Variants in DRC11 observed in about 807,000 individuals in gnomAD.
The protein encoded by DRC11 is IQ and AAA domain-containing protein 1.
chr2:236,376,416 A>G, the DRC11 span, among the ~76,000 whole-genome samples: 1 of 152,232 alleles, frequency 6.6e-6, no homozygotes, highest in Non-Finnish European at 1.5e-5. This position sits in a 1 kb window ranked among gnomAD's most constrained non-coding sequence, Gnocchi z 5.7. Flanking sequence ...GGAAAGCTGA[A>G]GGTTCACTGT....
the DRC11 span, among the ~76,000 whole-genome samples, chr2:236,416,708 C>CATATATATATATTTTTATATATATATAT: frequency 1.2e-4 from 9 of 74,566 alleles, no homozygotes; most frequent in Non-Finnish European, 1.9e-4. Flanking sequence ...TATTTATTTA[C>CATATATATATATTTTTATATATATATAT]ATATATATAT....
chr2:236,394,890 A>G, the DRC11 span, among the ~76,000 whole-genome samples: 65,733 of 152,090 alleles, frequency 0.43, 14,588 homozygotes, highest in African/African-American at 0.46. This position sits in a 1 kb window ranked among gnomAD's most constrained non-coding sequence, Gnocchi z 7.0. Context: ...GCTGAGCACC[A>G]TCTCTGCCAC....
the DRC11 span, among the ~76,000 whole-genome samples, chr2:236,341,881 G>A: frequency 2.3e-3 from 357 of 152,328 alleles, 2 homozygotes; most frequent in African/African-American, 8.1e-3. Context: ...TTCCTCTCAG[G>A]GTTGCCGGGA....
At chr2:236,391,645 T>C in the DRC11 span, among the ~76,000 whole-genome samples, 2 of 152,198 alleles carry the variant, frequency 1.3e-5, no homozygotes, top group African/African-American at 4.8e-5. This position sits in a 1 kb window ranked among gnomAD's most constrained non-coding sequence, Gnocchi z 4.5. Flanking sequence ...TATAGATCTA[T>C]GTACAGGAAC....
the DRC11 span, chr2:236,497,364 G>A: frequency 2.5e-6 from 4 of 1,613,790 alleles, no homozygotes; most frequent in African/African-American, 5.3e-5. The surrounding 1 kb of genome is among the most constrained non-coding windows in gnomAD (Gnocchi z 5.1). Flanking sequence ...ACTTTACGTA[G>A]AAGGTGGCTA....
chr2:236,407,925 C>A, the DRC11 span: 1 of 503,108 alleles, frequency 2.0e-6, no homozygotes, highest in Non-Finnish European at 3.9e-6. Context: ...TCTTCTCTTC[C>A]ATGGTCTGGG....
At chr2:236,324,503 T>C in the DRC11 span, 1 of 512,374 alleles carries the variant, frequency 2.0e-6, no homozygotes, top group East Asian at 3.4e-5. This position sits in a 1 kb window ranked among gnomAD's most constrained non-coding sequence, Gnocchi z 5.7. Flanking sequence ...GCACATGCAG[T>C]GGTTAGCGGG....
chr2:236,469,863 C>T, the DRC11 span, among the ~76,000 whole-genome samples: 1,477 of 152,148 alleles, frequency 9.7e-3, 31 homozygotes, highest in African/African-American at 0.033. This position sits in a 1 kb window ranked among gnomAD's most constrained non-coding sequence, Gnocchi z 5.8. Context: ...ATAGAGAACA[C>T]GATAGTATGC....
chr2:236,396,551 G>C, the DRC11 span, among the ~76,000 whole-genome samples: 1 of 152,142 alleles, frequency 6.6e-6, no homozygotes, highest in Non-Finnish European at 1.5e-5. Flanking sequence ...GGCGTGGACA[G>C]TTTTCAGAGC....
At chr2:236,443,942 T>C in the DRC11 span, among the ~76,000 whole-genome samples, 1 of 152,166 alleles carries the variant, frequency 6.6e-6, no homozygotes, top group African/African-American at 2.4e-5. This position sits in a 1 kb window ranked among gnomAD's most constrained non-coding sequence, Gnocchi z 4.4. Flanking sequence ...TGATCAGTGA[T>C]GTTGAGCTTG....
chr2:236,422,014 T>C, the DRC11 span, among the ~76,000 whole-genome samples: 1 of 152,158 alleles, frequency 6.6e-6, no homozygotes, highest in African/African-American at 2.4e-5. Context: ...ATAACACTCA[T>C]GCTAAAAACT....
At chr2:236,318,615 T>C in the DRC11 span, among the ~76,000 whole-genome samples, 3 of 150,074 alleles carry the variant, frequency 2.0e-5, no homozygotes, top group African/African-American at 7.5e-5. This position sits in a 1 kb window ranked among gnomAD's most constrained non-coding sequence, Gnocchi z 7.0. Flanking sequence ...ATGTACAGCA[T>C]GTGGTGTGCA....
chr2:236,324,890 T>C, the DRC11 span: 1 of 783,554 alleles, frequency 1.3e-6, no homozygotes, highest in Non-Finnish European at 2.1e-6. This position sits in a 1 kb window ranked among gnomAD's most constrained non-coding sequence, Gnocchi z 5.7. Context: ...AAGCAGCCAT[T>C]GTACTTTGGG....
chr2:236,337,815 A>G, the DRC11 span, among the ~76,000 whole-genome samples: 5 of 152,170 alleles, frequency 3.3e-5, no homozygotes, highest in Middle Eastern at 0.017. This position sits in a 1 kb window ranked among gnomAD's most constrained non-coding sequence, Gnocchi z 4.9. Flanking sequence ...TGGAAGAAAA[A>G]AAAAAAAACC....
chr2:236,479,646 T>C, the DRC11 span, among the ~76,000 whole-genome samples: 27,379 of 152,102 alleles, frequency 0.18, 2,825 homozygotes, highest in Middle Eastern at 0.27. The surrounding 1 kb of genome is among the most constrained non-coding windows in gnomAD (Gnocchi z 4.1). Flanking sequence ...CTCCCCCACA[T>C]TTTGACTTTT....
chr2:236,500,348 T>C, the DRC11 span, among the ~76,000 whole-genome samples: 6,507 of 152,216 alleles, frequency 0.043, 282 homozygotes, highest in East Asian at 0.17. The surrounding 1 kb of genome is among the most constrained non-coding windows in gnomAD (Gnocchi z 6.3). Context: ...CTAAACCACT[T>C]GACTTCATCG....
chr2:236,456,689 A>G, the DRC11 span, among the ~76,000 whole-genome samples: 1 of 152,354 alleles, frequency 6.6e-6, no homozygotes, highest in Non-Finnish European at 1.5e-5. This position sits in a 1 kb window ranked among gnomAD's most constrained non-coding sequence, Gnocchi z 5.4. Flanking sequence ...CCCCTCGGCC[A>G]CTGCCAGAGC....
At chr2:236,346,168 T>C in the DRC11 span, among the ~76,000 whole-genome samples, 1 of 152,050 alleles carries the variant, frequency 6.6e-6, no homozygotes, top group Non-Finnish European at 1.5e-5. Flanking sequence ...AATCCCAAAT[T>C]TTAATCGTGA....
chr2:236,498,162 G>A, the DRC11 span, among the ~76,000 whole-genome samples: 1 of 151,992 alleles, frequency 6.6e-6, no homozygotes, highest in Non-Finnish European at 1.5e-5. Flanking sequence ...GAAATGAGGT[G>A]CAGGCTGGGC....
Sources: allele counts gnomAD v4.1 joint callset (sites outside exome capture counted in the v4.1 genomes callset), GRCh38; gene constraint gnomAD v4.1.1; non-coding constraint Gnocchi (gnomAD v3.1); transcripts MANE v1.5; gene names NCBI Gene and HGNC (gene_info 2026-07-23, HGNC 2026-07-21).